Variants in VCPIP1 observed in about 807,000 individuals in gnomAD.
VCPIP1 encodes the protein deubiquitinating protein VCPIP1.
A neutral mutation model predicts 85.0 loss-of-function variants in VCPIP1; 8 were observed. The observed-to-expected ratio is 0.09, with a 90% CI of 0.06 to 0.17. The LOEUF (loss-of-function observed/expected upper bound fraction) is 0.17. Among genes scored for constraint, VCPIP1 ranks in the 10% least tolerant of loss-of-function variants. The pLI is 1.00. For missense variants in VCPIP1, 1,070 were observed against 1,486.3 expected (o/e 0.72, Z 4.61); for synonymous variants, 543 against 544.5 (o/e 1.00, Z 0.04).
intron 1 of VCPIP1, among the ~76,000 whole-genome samples, chr8:66,653,952 T>TC (rs141547002): frequency 1.7e-3 from 255 of 152,312 alleles, no homozygotes; most frequent in African/African-American, 5.9e-3. Flanking sequence ...GCCCCACTGT[T>TC]CCATTGCTTT....
At chr8:66,652,389 A>T (rs1811062930) in intron 1 of VCPIP1, among the ~76,000 whole-genome samples, 1 of 152,156 alleles carries the variant, frequency 6.6e-6, no homozygotes, top group Non-Finnish European at 1.5e-5. Flanking sequence ...CCAGGCAGGC[A>T]GATCACCTGA....
intron 2 of VCPIP1, among the ~76,000 whole-genome samples, chr8:66,638,431 A>G (rs1465159656): frequency 6.7e-6 from 1 of 149,238 alleles, no homozygotes; most frequent in East Asian, 2.0e-4. Flanking sequence ...AGGCTGCAGG[A>G]AGTTGTGATC....
At chr8:66,645,712 G>T (rs922754453) in intron 2 of VCPIP1, among the ~76,000 whole-genome samples, 2 of 141,356 alleles carry the variant, frequency 1.4e-5, no homozygotes, top group African/African-American at 5.5e-5. Flanking sequence ...TTGAGCCCAG[G>T]AGTTCAAGAC....
intron 2 of VCPIP1, among the ~76,000 whole-genome samples, chr8:66,643,300 G>A (rs1810964951): frequency 6.6e-6 from 1 of 151,314 alleles, no homozygotes; most frequent in African/African-American, 2.4e-5. Flanking sequence ...TCCAGCCTAG[G>A]CAATAGAGTG....
intron 2 of VCPIP1, among the ~76,000 whole-genome samples, chr8:66,650,664 A>C (rs1349682369): frequency 6.6e-6 from 1 of 151,626 alleles, no homozygotes; most frequent in Non-Finnish European, 1.5e-5. Context: ...AACAACAACA[A>C]CACAAACATT....
chr8:66,643,413 A>T (rs2130156384), intron 2 of VCPIP1, among the ~76,000 whole-genome samples: 1 of 151,230 alleles, frequency 6.6e-6, no homozygotes, highest in African/African-American at 2.4e-5. Flanking sequence ...TTAAAAAAAA[A>T]TTTGTAGGCT....
chr8:66,664,650 G>A lies in VCPIP1; in HGVS notation c.2309C>T (p.Thr770Ile). Residue 770 changes from threonine (T) to isoleucine (I), a missense_variant, in exon 1 of 3, where the codon ACA (threonine) becomes ATA (isoleucine). This residue lies in a region of VCPIP1 where 278 missense variants were observed against 298.5 expected (regional missense o/e 0.93). Coordinates refer to ENST00000310421, the MANE Select transcript of VCPIP1 (RefSeq NM_025054.5). ...TCGGATCTTCTTCTCCTTAGAAGTTGTCGGTGAATAGGGAGCCTTGGTAGG... is the reference window on the plus strand; with the variant it reads ...TCGGATCTTCTTCTCCTTAGAAGTTATCGGTGAATAGGGAGCCTTGGTAGG... ...ATPTKAPYSP[T>I]TSKEKKIRIT... The A allele has an allele frequency of 6.2e-7, 1 of 1,613,520 alleles. No individual in the cohort carries two copies. The highest frequency in any genetic ancestry group is 1.7e-4 in the Middle Eastern group (1 of 6,054).
chr8:66,650,209 G>C (rs991484296), intron 2 of VCPIP1, among the ~76,000 whole-genome samples: 3 of 152,098 alleles, frequency 2.0e-5, no homozygotes, highest in African/African-American at 7.2e-5. Context: ...CAATTAAAAA[G>C]GGGACAGAGA....
rs1810821845 is a variant in VCPIP1, at chr8:66,630,318, A to G, written c.*4183T>C. Reference sequence around the variant, plus strand: ...TAAAGCACTTGCTATTTTTCTAAATATTTACACTATTACTGCTTATGTTTA... The same window carrying G: ...TAAAGCACTTGCTATTTTTCTAAATGTTTACACTATTACTGCTTATGTTTA... On this transcript the variant is annotated 3_prime_UTR_variant, in exon 3 of 3. Coordinates refer to ENST00000310421, the MANE Select transcript of VCPIP1 (RefSeq NM_025054.5). The G allele has an allele frequency of 6.6e-6, 1 of 152,330 alleles. No individual in the cohort carries two copies. Among genetic ancestry groups the G allele is most frequent in the African/African-American group, 2.4e-5 (1 of 41,450 alleles). 9.4% of individuals were successfully genotyped at this position (152,330 alleles called of 1,614,324 possible).
chr8:66,649,392 G>A (rs1377895834), intron 2 of VCPIP1, among the ~76,000 whole-genome samples: 1 of 151,946 alleles, frequency 6.6e-6, no homozygotes, highest in Non-Finnish European at 1.5e-5. Context: ...CATGGCTGTG[G>A]TCCCAGCTAC....
At chr8:66,651,666 T>C in intron 1 of VCPIP1, 122 bp from the exon 2 acceptor site, 3 of 667,730 alleles carry the variant, frequency 4.5e-6, no homozygotes, top group Non-Finnish European at 7.5e-6. Context: ...TGAAACAGCC[T>C]GACACGCCAT....
chr8:66,635,469 A>G, intron 2 of VCPIP1, 97 bp from the exon 3 acceptor site: 3 of 1,242,610 alleles, frequency 2.4e-6, no homozygotes, highest in Non-Finnish European at 3.2e-6. Flanking sequence ...ATTTTAAATA[A>G]CAATTTACAG....
chr8:66,634,401 T>C lies in VCPIP1; in HGVS notation c.*100A>G. 2 of 1,335,898 alleles carry C rather than the reference T, an allele frequency of 1.5e-6. No individual in the cohort carries two copies. Among genetic ancestry groups the C allele is most frequent in the Non-Finnish European group, 2.0e-6 (2 of 979,826 alleles). The allele number at this position is 1,335,898 out of a possible 1,614,324, so 82.8% of individuals were successfully genotyped here. A position where few individuals can be genotyped will look rare whatever the true frequency, so the allele number is the denominator to read the frequency against. ...AACAAGATATAATCTTTGAATTATA[T>C]ACGTACAAGATTTTTAATGACTAAT... On this transcript the variant is annotated 3_prime_UTR_variant, in exon 3 of 3. Coordinates refer to ENST00000310421, the MANE Select transcript of VCPIP1 (RefSeq NM_025054.5).
chr8:66,631,471 T>G lies in VCPIP1; in HGVS notation c.*3030A>C, dbSNP rs1006198979. ...ACAATTCTCAAAAACCTGTCATTAG[T>G]AGTATGAGTTGCTAGCAAGTGATCT... On this transcript the variant is annotated 3_prime_UTR_variant, in exon 3 of 3. Transcript: ENST00000310421. The G allele has an allele frequency of 6.5e-6, 1 of 154,544 alleles. No homozygotes were observed. Among genetic ancestry groups the G allele is most frequent in the African/African-American group, 2.4e-5 (1 of 41,522 alleles). 9.6% of individuals were successfully genotyped at this position (154,544 alleles called of 1,614,324 possible).
chr8:66,663,019 T>G (rs1586630378), intron 1 of VCPIP1, among the ~76,000 whole-genome samples: 1 of 149,358 alleles, frequency 6.7e-6, no homozygotes, highest in African/African-American at 2.5e-5. Context: ...GCAGGAGAAT[T>G]GCTTGAACCC....
In VCPIP1 at chr8:66,665,309, T is replaced by A. The variant is rs1285343622; in HGVS notation, c.1650A>T (p.Arg550Ser). ...CCAAATACACAATAGACCCATCTCC[T>A]CTGACCTTTCGCACAGATGTGCCAT... ...WCHGTSVRKV[R>S]GDGSIVYLDG... The change falls in exon 1 of 3, where the codon AGA (arginine) becomes AGT (serine). Residue 550 changes from arginine to serine, a missense_variant. By Grantham distance (110) the Arg-to-Ser change is moderately radical. This residue lies in a region of VCPIP1 where 123 missense variants were observed against 156.3 expected (regional missense o/e 0.79). Coordinates refer to ENST00000310421, the MANE Select transcript of VCPIP1 (RefSeq NM_025054.5). This position sits in a 1 kb window ranked among gnomAD's most constrained non-coding sequence, Gnocchi z 4.3. 6.2e-7 allele frequency: 1 copy of A among 1,613,966 alleles called. No homozygotes were observed. The highest frequency in any genetic ancestry group is 1.3e-5 in the African/African-American group (1 of 74,938).
chr8:66,666,491 T>C lies in VCPIP1; in HGVS notation c.468A>G (p.Glu156=). Residue 156 remains glutamate, a synonymous_variant, in exon 1 of 3, where the codon GAA becomes GAG. Transcript: ENST00000310421. This position sits in a 1 kb window ranked among gnomAD's most constrained non-coding sequence, Gnocchi z 6.3. ...AKLLRDMNQG[E]LFDCALLGDR... is the part of the protein sequence containing the mutation. ...CACCCAGTAAGGCGCAATCGAACAGTTCGCCCTGGTTCATGTCCCGGAGAA... is the reference window on the plus strand; with the variant it reads ...CACCCAGTAAGGCGCAATCGAACAGCTCGCCCTGGTTCATGTCCCGGAGAA... The C allele has an allele frequency of 6.2e-7, 1 of 1,614,190 alleles. No homozygotes were observed. The highest frequency in any genetic ancestry group is 8.5e-7 in the Non-Finnish European group (1 of 1,180,024).
At chr8:66,648,715 C>T (rs1162823279) in intron 2 of VCPIP1, among the ~76,000 whole-genome samples, 3 of 152,010 alleles carry the variant, frequency 2.0e-5, no homozygotes, top group Admixed American at 6.6e-5. Context: ...CCACCACACC[C>T]GGCTAATTTT....
In VCPIP1 at chr8:66,648,530, T is replaced by A. The variant is rs1417519726; in HGVS notation, c.2797+2928A>T. Among the ~76,000 whole-genome samples the A allele has an allele frequency of 7.1e-4, 6 of 8,482 alleles. No individual in the cohort carries two copies. The Admixed American group carries it at 8.9e-3, about 13-fold the overall frequency. The allele number at this position is 8,482 out of a possible 152,430, so 5.6% of individuals were successfully genotyped here. A position where few individuals can be genotyped will look rare whatever the true frequency, so the allele number is the denominator to read the frequency against. ...CAATGTATCATCTATGTATCTAATC[T>A]ATCTATCTATCTATCTATCTATCTA... On this transcript the variant is annotated intron_variant, in intron 2 of 2. Coordinates refer to ENST00000310421, the MANE Select transcript of VCPIP1 (RefSeq NM_025054.5).
Sources: allele counts gnomAD v4.1 joint callset (sites outside exome capture counted in the v4.1 genomes callset), GRCh38; gene constraint gnomAD v4.1.1; regional missense constraint gnomAD v4.1.1; non-coding constraint Gnocchi (gnomAD v3.1); transcripts MANE v1.5; gene names NCBI Gene and HGNC (gene_info 2026-07-23, HGNC 2026-07-21).